The following NMNAT1 variants were observed in gnomAD, a reference collection of about 807,000 sequenced individuals.
NMNAT1 encodes nicotinamide nucleotide adenylyltransferase 1.
In NMNAT1, 11 loss-of-function variants were observed where a neutral mutation model predicts 16.7. That is an observed-to-expected ratio of 0.66 (90% CI 0.41 to 1.09). NMNAT1 has a LOEUF of 1.09. Ranked by LOEUF, NMNAT1 falls within the 50% of genes least tolerant of loss-of-function variation. The probability of loss-of-function intolerance (pLI) is 0.00; values close to 1 mark genes in which losing one functional copy is unlikely to be tolerated. For missense variants in NMNAT1, 280 were observed against 332.3 expected, an observed-to-expected ratio of 0.84 and a Z score of 1.22; for synonymous variants, 110 against 119.8, an observed-to-expected ratio of 0.92 and a Z score of 0.53.
At position 9,950,354 on chromosome 1, in the gene NMNAT1, G is replaced by A. The variant is rs937000473; in HGVS notation, c.-57+6839G>A. ...GATCCGCCCGCCTTGGCCTCCCAAA[G>A]TGTTGAGATTATAGGCATGAACCAC... On this transcript the variant is annotated intron_variant, in intron 1 of 4. Transcript: ENST00000377205. Among the ~76,000 whole-genome samples, 45 of 152,198 alleles carry A rather than the reference G, an allele frequency of 3.0e-4. 1 individual carries two copies.
chr1:9,981,802 C>T (rs922371464), intron 4 of NMNAT1: 2 of 154,690 alleles, frequency 1.3e-5, no homozygotes, highest in Non-Finnish European at 2.9e-5. Context: ...TTGAGGTGTC[C>T]TGGGTCTCTT....
At chr1:9,996,795 C>T in the NMNAT1 span, among the ~76,000 whole-genome samples, 1 of 152,086 alleles carries the variant, frequency 6.6e-6, no homozygotes, top group Non-Finnish European at 1.5e-5. Flanking sequence ...TACCGAGGTG[C>T]GAATCACTGT....
intron 3 of NMNAT1, 22 bp downstream of exon 3, chr1:9,975,797 T>G: frequency 6.3e-7 from 1 of 1,584,356 alleles, no homozygotes; most frequent in Non-Finnish European, 8.6e-7. Flanking sequence ...GTAATCAACT[T>G]TGTCAGTTCT....
At chr1:9,968,823 C>T (rs1467963888) in intron 1 of NMNAT1, among the ~76,000 whole-genome samples, 1 of 147,790 alleles carries the variant, frequency 6.8e-6, no homozygotes, top group Middle Eastern at 3.2e-3. Flanking sequence ...CCTGTAATCC[C>T]AGCTACTTGG....
At chr1:9,953,953 G>A (rs1641184053) in intron 1 of NMNAT1, among the ~76,000 whole-genome samples, 1 of 150,992 alleles carries the variant, frequency 6.6e-6, no homozygotes, top group Non-Finnish European at 1.5e-5. Flanking sequence ...CTACAGGCAC[G>A]TGCCATCATG....
intron 1 of NMNAT1, among the ~76,000 whole-genome samples, chr1:9,960,990 T>C (rs888711914): frequency 1.3e-5 from 2 of 152,168 alleles, no homozygotes; most frequent in Admixed American, 1.3e-4. Context: ...TTGGCAGCAA[T>C]AGGAGCTCAC....
chr1:9,955,020 C>T (rs966380740), intron 1 of NMNAT1, among the ~76,000 whole-genome samples: 12 of 152,134 alleles, frequency 7.9e-5, no homozygotes, highest in Admixed American at 6.6e-4. Context: ...CACGCTGGCT[C>T]ACGCCTGTAA....
the NMNAT1 span, among the ~76,000 whole-genome samples, chr1:9,990,984 A>C: frequency 3.3e-5 from 5 of 152,284 alleles, no homozygotes; most frequent in Admixed American, 2.6e-4. Context: ...GTCTATGTCT[A>C]CTTCAGCTGA....
At chr1:9,962,113 G>A (rs1445831697) in intron 1 of NMNAT1, among the ~76,000 whole-genome samples, 1 of 151,952 alleles carries the variant, frequency 6.6e-6, no homozygotes, top group Non-Finnish European at 1.5e-5. Context: ...ATTTGTGGCT[G>A]CTTTTCCTAT....
chr1:9,968,594 C>T (rs181300097), intron 1 of NMNAT1, among the ~76,000 whole-genome samples: 2 of 147,564 alleles, frequency 1.4e-5, no homozygotes, highest in East Asian at 4.1e-4. Context: ...TGGTGAAACC[C>T]CGTCTGTACT....
At chr1:9,955,573 C>T (rs1016584083) in intron 1 of NMNAT1, among the ~76,000 whole-genome samples, 1 of 152,036 alleles carries the variant, frequency 6.6e-6, no homozygotes, top group Non-Finnish European at 1.5e-5. Context: ...CCATTGCCCT[C>T]CAGCCTGGGC....
intron 1 of NMNAT1, chr1:9,951,330 A>G (rs1175607029): frequency 6.6e-6 from 1 of 152,220 alleles, no homozygotes; most frequent in Non-Finnish European, 1.5e-5. Context: ...GCTATGAGGA[A>G]TACTTTGTCT....
At chr1:9,956,851 C>A (rs1368917521) in intron 1 of NMNAT1, among the ~76,000 whole-genome samples, 1 of 151,530 alleles carries the variant, frequency 6.6e-6, no homozygotes, top group East Asian at 1.9e-4. Flanking sequence ...CCTGCCTCAG[C>A]CTCCTCAGTA....
intron 1 of NMNAT1, among the ~76,000 whole-genome samples, 174 bp from the exon 2 acceptor site, chr1:9,971,844 C>G (rs1173748917): frequency 6.6e-6 from 1 of 151,964 alleles, no homozygotes; most frequent in South Asian, 2.1e-4. Context: ...TTGGTATGTG[C>G]CTGTGTTCCC....
chr1:9,952,986 G>GTT (rs542040218), intron 1 of NMNAT1, among the ~76,000 whole-genome samples: 1 of 146,476 alleles, frequency 6.8e-6, no homozygotes, highest in Non-Finnish European at 1.5e-5. Flanking sequence ...TTGTATGCAT[G>GTT]TTTTTTTTTT....
At chr1:9,976,829 G>T (rs991382673) in intron 3 of NMNAT1, among the ~76,000 whole-genome samples, 3 of 151,198 alleles carry the variant, frequency 2.0e-5, no homozygotes, top group African/African-American at 7.3e-5. Flanking sequence ...GTTCTACCTT[G>T]TTGGCCAGGC....
chr1:9,992,237 C>T, the NMNAT1 span, among the ~76,000 whole-genome samples: 2 of 151,944 alleles, frequency 1.3e-5, no homozygotes, highest in South Asian at 2.1e-4. Context: ...TGCATACCAC[C>T]ACACCCAGCT....
At chr1:9,979,869 T>C (rs1018011873) in intron 3 of NMNAT1, among the ~76,000 whole-genome samples, 2 of 151,986 alleles carry the variant, frequency 1.3e-5, no homozygotes, top group Admixed American at 1.3e-4. Context: ...GAGTAGCAAC[T>C]GTAAGCCTCC....
intron 1 of NMNAT1, among the ~76,000 whole-genome samples, chr1:9,961,568 GTA>G (rs1557463067): frequency 6.6e-6 from 1 of 152,158 alleles, no homozygotes; most frequent in Non-Finnish European, 1.5e-5. Flanking sequence ...GGGATAAAGG[GTA>G]TGGGTACAAG....
Sources: gnomAD v4.1 joint callset for allele counts (sites outside exome capture counted in the v4.1 genomes callset) on GRCh38, gnomAD v4.1.1 for gene constraint, MANE v1.5 for transcripts, NCBI Gene and HGNC (gene_info 2026-07-23, HGNC 2026-07-21) for gene names.